Variants in ROCK2 observed in about 807,000 individuals in gnomAD.
The protein encoded by ROCK2 is Rho associated coiled-coil containing protein kinase 2, also known as rho-associated protein kinase 2.
Under a neutral mutation model 195.1 loss-of-function variants are expected in ROCK2, and 61 were observed. The observed-to-expected ratio is 0.31, with a 90% CI of 0.25 to 0.39. The LOEUF (loss-of-function observed/expected upper bound fraction) is 0.39, where lower values mean the gene tolerates loss of function less well. Among genes scored for constraint, ROCK2 ranks in the 10% least tolerant of loss-of-function variants. The pLI is 1.00. For synonymous variants in ROCK2, 504 were observed against 545.5 expected (o/e 0.92, Z 1.06); for missense variants, 1,109 against 1,637.4 (o/e 0.68, Z 5.57).
At chr2:11,245,686 C>G (rs1665588208) in intron 4 of ROCK2, among the ~76,000 whole-genome samples, 2 of 152,144 alleles carry the variant, frequency 1.3e-5, no homozygotes, top group South Asian at 4.1e-4. Flanking sequence ...AGGTCTGGAG[C>G]ACCCTGTTAC....
intron 1 of ROCK2, among the ~76,000 whole-genome samples, chr2:11,331,274 C>T (rs1668758756): frequency 6.6e-6 from 1 of 152,138 alleles, no homozygotes; most frequent in Admixed American, 6.5e-5. Flanking sequence ...ACTGATACAC[C>T]TGTGAACAAG....
chr2:11,340,078 G>A (rs778046404), intron 1 of ROCK2, among the ~76,000 whole-genome samples: 1 of 152,188 alleles, frequency 6.6e-6, no homozygotes, highest in Non-Finnish European at 1.5e-5. Context: ...CTACTGAAGT[G>A]TATGTAAGTC....
At chr2:11,231,063 CCTTT>C (rs911772058) in intron 5 of ROCK2, among the ~76,000 whole-genome samples, 4 of 151,824 alleles carry the variant, frequency 2.6e-5, no homozygotes, top group African/African-American at 7.2e-5. Context: ...AAAATGCATA[CCTTT>C]TTTTAAAAAA....
At chr2:11,207,943 TA>T in intron 19 of ROCK2, 33 bp from the exon 20 acceptor site, 1 of 1,378,748 alleles carries the variant, frequency 7.3e-7, no homozygotes. Context: ...GGTATATAAG[TA>T]AATTATTTCC....
At chr2:11,296,830 G>C (rs1344839956) in intron 1 of ROCK2, among the ~76,000 whole-genome samples, 2 of 152,140 alleles carry the variant, frequency 1.3e-5, no homozygotes, top group Non-Finnish European at 2.9e-5. Context: ...ACTAATGAAA[G>C]ACTGTGATGC....
Position 11,305,248 on chromosome 2 carries a change from C to T in ROCK2, c.142-17512G>A, listed in dbSNP as rs140179188. Among the ~76,000 whole-genome samples, 897 of 152,106 alleles carry T rather than the reference C, an allele frequency of 5.9e-3. 2 individuals are homozygous for T. The highest frequency in any genetic ancestry group is 0.021 in the African/African-American group (868 of 41,496). ...AAAATTAGCTGGGCATGGTGGCGCA[C>T]GCCTGTAGTCCCAACTACTCGGGAG... On this transcript the variant is annotated intron_variant, in intron 1 of 32. Transcript: ENST00000315872.
At position 11,183,450 on chromosome 2, in the gene ROCK2, A is replaced by G. The variant is rs774305382; in HGVS notation, c.4164-10T>C. The G allele has an allele frequency of 6.3e-6, 10 of 1,583,094 alleles. No homozygotes were observed. Among genetic ancestry groups the G allele is most frequent in the Admixed American group, 1.7e-5 (1 of 57,878 alleles). ...CATAGAAGGCAGTTAGCTGAAAAGA[A>G]AGGAAAAATAAAGTTAGTTGATACA... On this transcript the variant is annotated splice_polypyrimidine_tract_variant and intron_variant, in intron 32 of 32. Coordinates refer to ENST00000315872, the MANE Select transcript of ROCK2 (RefSeq NM_004850.5).
Position 11,184,622 on chromosome 2 carries a change from A to G in ROCK2, c.4164-1182T>C, listed in dbSNP as rs114663502. 6.9e-4 allele frequency: 683 copies of G among 984,832 alleles called. 3 individuals are homozygous for G. In the African/African-American group the frequency reaches 0.01, roughly 15 times the overall value. The allele number at this position is 984,832 out of a possible 1,614,324, so 61.0% of individuals were successfully genotyped here. On this transcript the variant is annotated intron_variant, in intron 32 of 32. Transcript: ENST00000315872. Reference sequence around the variant, plus strand: ...GCCCAAGTGGCAAACCACATGCACTACGTTGAAGTACTAAAATAACTGATT... The same window carrying G: ...GCCCAAGTGGCAAACCACATGCACTGCGTTGAAGTACTAAAATAACTGATT...
Position 11,215,506 on chromosome 2 carries a change from A to T in ROCK2, c.1597+4T>A, listed in dbSNP as rs1165113133. On this transcript the variant is annotated splice_donor_region_variant and intron_variant, in intron 14 of 32. Coordinates refer to ENST00000315872, the MANE Select transcript of ROCK2 (RefSeq NM_004850.5). ...ATGAGTAATTAATATTCTACACCAC[A>T]AACCATCATTTTCCAAATTTCGTTT... 2 of 1,612,256 alleles carry T rather than the reference A, an allele frequency of 1.2e-6. No individual in the cohort carries two copies. The highest frequency in any genetic ancestry group is 1.7e-6 in the Non-Finnish European group (2 of 1,179,564).
chr2:11,268,522 C>CTGTG (rs70953378), intron 3 of ROCK2, among the ~76,000 whole-genome samples: 49,844 of 140,282 alleles, frequency 0.36, 9,742 homozygotes, highest in Admixed American at 0.46. Context: ...CAGTTTTGCA[C>CTGTG]TGTGTGTGTG....
rs966370826 is a variant in ROCK2, at chr2:11,208,425, C to T, written c.2226G>A (p.Glu742=). 7 of 1,513,738 alleles carry T rather than the reference C, an allele frequency of 4.6e-6. No homozygotes were observed. Among genetic ancestry groups the T allele is most frequent in the South Asian group, 4.1e-5 (3 of 72,572 alleles). The allele number at this position is 1,513,738 out of a possible 1,614,324, so 93.8% of individuals were successfully genotyped here. A position where few individuals can be genotyped will look rare whatever the true frequency, so the allele number is the denominator to read the frequency against. Residue 742 remains glutamate, a synonymous_variant, in exon 19 of 33, where the codon GAG becomes GAA. Transcript: ENST00000315872. ...CCACTTTCTGTTTTAAAGTTCTTTCCTCCAAGAGCTTCTTCTCCATTTCTA... is the reference window on the plus strand; with the variant it reads ...CCACTTTCTGTTTTAAAGTTCTTTCTTCCAAGAGCTTCTTCTCCATTTCTA... ...AMKEMEKKLL[E]ERTLKQKVEN...
Position 11,344,439 on chromosome 2 carries a change from G to A in ROCK2, c.-303C>T. On this transcript the variant is annotated 5_prime_UTR_variant, in exon 1 of 33. Transcript: ENST00000315872. This position sits in a 1 kb window ranked among gnomAD's most constrained non-coding sequence, Gnocchi z 5.4. ...GCTGGTCCTCAGCGAGTGCCCGCAG[G>A]AGTCCTCGGGCGGGAGCAGGGAAGT... is the stretch of plus-strand genomic sequence containing the variant. The A allele has an allele frequency of 9.6e-7, 1 of 1,040,060 alleles. No homozygotes were observed. Among genetic ancestry groups the A allele is most frequent in the Non-Finnish European group, 1.2e-6 (1 of 866,284 alleles). 64.4% of individuals were successfully genotyped at this position (1,040,060 alleles called of 1,614,324 possible).
intron 30 of ROCK2, 132 bp downstream of exon 30, chr2:11,193,647 C>A: frequency 2.2e-6 from 1 of 460,660 alleles, no homozygotes; most frequent in Non-Finnish European, 3.9e-6. Context: ...TTAAATAGGA[C>A]TGAAACATAA....
At chr2:11,254,970 C>T (rs1368433147) in intron 3 of ROCK2, among the ~76,000 whole-genome samples, 4 of 152,030 alleles carry the variant, frequency 2.6e-5, no homozygotes, top group Admixed American at 1.3e-4. Flanking sequence ...GTAATCCCTG[C>T]ACTTTGGGAG....
chr2:11,330,427 C>T (rs1029838525), intron 1 of ROCK2, among the ~76,000 whole-genome samples: 1 of 152,098 alleles, frequency 6.6e-6, no homozygotes, highest in Non-Finnish European at 1.5e-5. Context: ...AAAGGTGATA[C>T]ATTTTTCAAA....
chr2:11,224,498 G>A (rs1664747179), intron 6 of ROCK2, 38 bp from the exon 7 acceptor site: 2 of 1,580,730 alleles, frequency 1.3e-6, no homozygotes, highest in South Asian at 2.3e-5. Context: ...ATGTAACAGA[G>A]AATGCAAAGG....
intron 9 of ROCK2, among the ~76,000 whole-genome samples, chr2:11,220,238 G>A (rs968396765): frequency 3.9e-5 from 6 of 152,006 alleles, no homozygotes; most frequent in African/African-American, 1.4e-4. Context: ...GGCTGGTCTT[G>A]AACTCCCGAC....
At position 11,192,393 on chromosome 2, in the gene ROCK2, G is replaced by A. The variant is rs1269066731; in HGVS notation, c.3950-32C>T. 10 of 1,598,066 alleles carry A rather than the reference G, an allele frequency of 6.3e-6. No individual in the cohort carries two copies. Among genetic ancestry groups the A allele is most frequent in the African/African-American group, 1.4e-5 (1 of 73,876 alleles). ...AGAAAAATTAGAAAAAAAAATTAAT[G>A]TGCTTAAAATGATCTGAACATAACC... On this transcript the variant is annotated intron_variant, in intron 31 of 32. Coordinates refer to ENST00000315872, the MANE Select transcript of ROCK2 (RefSeq NM_004850.5). This position sits in a 1 kb window ranked among gnomAD's most constrained non-coding sequence, Gnocchi z 5.0.
In ROCK2 at chr2:11,224,369, T is replaced by C; in HGVS notation, c.960A>G (p.Glu320=). 1 of 1,613,510 alleles carries C rather than the reference T, an allele frequency of 6.2e-7. No homozygotes were observed. The highest frequency in any genetic ancestry group is 8.5e-7 in the Non-Finnish European group (1 of 1,179,612). The change falls in exon 7 of 33, where the codon GAA becomes GAG. Residue 320 remains glutamate, a synonymous_variant. Transcript: ENST00000315872. The part of the protein sequence containing the change: ...KNSLCFPEDA[E]ISKHAKNLIC... The stretch of plus-strand genomic sequence containing the variant: ...TGAGATTCTTTGCATGTTTGGAAAT[T>C]TCTGCATCTTCAGGGAAACACAGTG...
Sources: allele counts gnomAD v4.1 joint callset (sites outside exome capture counted in the v4.1 genomes callset), GRCh38; gene constraint gnomAD v4.1.1; non-coding constraint Gnocchi (gnomAD v3.1); transcripts MANE v1.5; gene names NCBI Gene and HGNC (gene_info 2026-07-23, HGNC 2026-07-21).